CD44: variants seen among roughly 807,000 people sequenced by gnomAD.
CD44 encodes the protein CD44 antigen.
In CD44, 49 loss-of-function variants were observed where a neutral mutation model predicts 88.8. That is an observed-to-expected ratio of 0.55 (90% CI 0.44 to 0.70). The LOEUF (loss-of-function observed/expected upper bound fraction) is 0.70. Among genes scored for constraint, CD44 ranks in the 30% least tolerant of loss-of-function variants. The pLI is 0.00. For missense variants in CD44, 883 were observed against 913.8 expected (o/e 0.97, Z 0.43); for synonymous variants, 325 against 312.3 (o/e 1.04, Z -0.43).
intron 4 of CD44, 36 bp downstream of exon 4, chr11:35,186,936 AT>A: frequency 7.6e-7 from 1 of 1,324,440 alleles, no homozygotes; most frequent in Non-Finnish European, 1.1e-6. Context: ...AAATTTTCCT[AT>A]TTTGGGGAAA....
intron 1 of CD44, among the ~76,000 whole-genome samples, chr11:35,144,684 G>C (rs566304950): frequency 1.3e-5 from 2 of 152,174 alleles, no homozygotes; most frequent in African/African-American, 4.8e-5. Context: ...GTCATTGTGC[G>C]TTCCAGATTT....
chr11:35,168,872 G>A (rs904717100), intron 1 of CD44, among the ~76,000 whole-genome samples: 1 of 152,200 alleles, frequency 6.6e-6, no homozygotes, highest in Admixed American at 6.5e-5. Context: ...CCCTGTGATG[G>A]TATGTGAACA....
rs189585736 is a variant in CD44, at chr11:35,181,491, C to T, written c.367+1084C>T. ...CAAAAGTCTTACCTCTTAAACTGGG[C>T]CTTCTGTTCCCATGGAAGGTTTGAA... On this transcript the variant is annotated intron_variant, in intron 3 of 17. Coordinates refer to ENST00000428726, the MANE Select transcript of CD44 (RefSeq NM_000610.4). Among the ~76,000 whole-genome samples the T allele has an allele frequency of 3.5e-3, 531 of 151,206 alleles. 3 individuals are homozygous for T. The highest frequency in any genetic ancestry group is 0.012 in the African/African-American group (484 of 41,174).
Position 35,223,851 on chromosome 11 carries a change from A to G in CD44, c.2024+2119A>G, listed in dbSNP as rs550714377. Among the ~76,000 whole-genome samples, 6 of 152,334 alleles carry G rather than the reference A, an allele frequency of 3.9e-5. No individual in the cohort carries two copies. In the East Asian group the frequency reaches 1.2e-3, roughly 29 times the overall value. On this transcript the variant is annotated intron_variant, in intron 17 of 17. Transcript: ENST00000428726. The stretch of plus-strand genomic sequence containing the variant: ...TGCTTTGAGTGTCACATTTAAGAGA[A>G]AGAGATACAGAATCCTATTTTCATC...
At chr11:35,227,841 G>A (rs1229661831) in intron 17 of CD44, among the ~76,000 whole-genome samples, 5 of 152,228 alleles carry the variant, frequency 3.3e-5, no homozygotes, top group Non-Finnish European at 1.5e-5. Flanking sequence ...CCAGGCTTTG[G>A]TCATAAAGGC....
chr11:35,181,945 A>AAT (rs371766266), intron 3 of CD44, among the ~76,000 whole-genome samples: 6,015 of 76,918 alleles, frequency 0.078, 334 homozygotes, highest in Non-Finnish European at 0.095. Flanking sequence ...AATTATATAT[A>AAT]ATATATATAA....
Position 35,229,229 on chromosome 11 carries a change from A to C in CD44, c.2125A>C (p.Met709Leu). The C allele has an allele frequency of 6.2e-7, 1 of 1,614,120 alleles. No homozygotes were observed. The highest frequency in any genetic ancestry group is 8.5e-7 in the Non-Finnish European group (1 of 1,179,964). The change falls in exon 18 of 18, where the codon ATG (methionine) becomes CTG (leucine). Residue 709 changes from methionine (M) to leucine (L), a missense_variant. Physicochemically the swap from Met to Leu is conservative, Grantham distance 15 (BLOSUM62 2). Transcript: ENST00000428726. ...CGGAGAGGCCAGCAAGTCTCAGGAA[A>C]TGGTGCATTTGGTGAACAAGGAGTC... Reference protein sequence around the residue: ...LNGEASKSQEMVHLVNKESSE... With the variant: ...LNGEASKSQELVHLVNKESSE...
intron 1 of CD44, among the ~76,000 whole-genome samples, chr11:35,159,833 A>G (rs1942367613): frequency 6.6e-6 from 1 of 152,198 alleles, no homozygotes; most frequent in Non-Finnish European, 1.5e-5. Flanking sequence ...TTTTAACACT[A>G]CACTGCAAGT....
At chr11:35,223,173 A>G in intron 17 of CD44, 1 of 985,348 alleles carries the variant, frequency 1.0e-6, no homozygotes, top group Non-Finnish European at 1.2e-6. Flanking sequence ...AAAATCTAAA[A>G]GGCCGCCTAT....
intron 4 of CD44, 130 bp downstream of exon 4, chr11:35,187,030 T>C: frequency 1.6e-6 from 1 of 632,720 alleles, no homozygotes. Context: ...CCCAGCACTT[T>C]GGGAGGCTGA....
At chr11:35,174,483 G>T (rs1001965919) in intron 1 of CD44, among the ~76,000 whole-genome samples, 10 of 151,688 alleles carry the variant, frequency 6.6e-5, no homozygotes, top group African/African-American at 2.2e-4. Flanking sequence ...TAGTTTCAAT[G>T]ACTTAACCCT....
intron 3 of CD44, among the ~76,000 whole-genome samples, chr11:35,186,064 A>C (rs113394346): frequency 6.7e-6 from 1 of 149,828 alleles, no homozygotes; most frequent in African/African-American, 2.5e-5. Flanking sequence ...GAAAAAAAAA[A>C]CCAGAAATGC....
chr11:35,177,197 C>G (rs978526717), intron 2 of CD44: 5 of 152,502 alleles, frequency 3.3e-5, no homozygotes, highest in African/African-American at 1.2e-4. Context: ...TTTTTGGTTT[C>G]TCTTCTATGT....
chr11:35,159,390 T>C (rs984672871), intron 1 of CD44, among the ~76,000 whole-genome samples: 4 of 152,238 alleles, frequency 2.6e-5, no homozygotes, highest in African/African-American at 9.6e-5. Flanking sequence ...CATCTGCTTT[T>C]AATTTCATTA....
intron 17 of CD44, chr11:35,222,243 T>G (rs1317720025): frequency 2.5e-6 from 1 of 397,870 alleles, no homozygotes; most frequent in Non-Finnish European, 5.1e-6. Flanking sequence ...CAGGGAACCT[T>G]TAAGAACTTT....
At chr11:35,158,759 T>C (rs529979930) in intron 1 of CD44, among the ~76,000 whole-genome samples, 3 of 152,322 alleles carry the variant, frequency 2.0e-5, no homozygotes, top group African/African-American at 7.2e-5. Flanking sequence ...GCTGACACTA[T>C]GTGCATACAG....
Position 35,174,792 on chromosome 11 carries a change from G to A in CD44, c.68-1783G>A, listed in dbSNP as rs73436934. On this transcript the variant is annotated intron_variant, in intron 1 of 17. Coordinates refer to ENST00000428726, the MANE Select transcript of CD44 (RefSeq NM_000610.4). ...AGTGTGTTTCTGAGGAAATTTCAAT[G>A]AGTCATTCGTTTATATAACAAATAC... 8.8e-3 allele frequency among the ~76,000 whole-genome samples: 1,335 copies of A among 152,294 alleles called. 30 individuals are homozygous for A. Among genetic ancestry groups the A allele is most frequent in the African/African-American group, 0.03 (1,240 of 41,550 alleles).
chr11:35,210,627 C>T (rs1948303639), intron 13 of CD44: 1 of 152,744 alleles, frequency 6.5e-6, no homozygotes, highest in Admixed American at 6.5e-5. Flanking sequence ...GTCCAATAGA[C>T]TGTTTGCTAT....
chr11:35,207,864 A>G (rs1948026419), intron 11 of CD44, among the ~76,000 whole-genome samples: 1 of 152,218 alleles, frequency 6.6e-6, no homozygotes, highest in Non-Finnish European at 1.5e-5. Context: ...TTCCAGACTC[A>G]GCAAAAACAA....
Sources: gnomAD v4.1 joint callset for allele counts (sites outside exome capture counted in the v4.1 genomes callset) on GRCh38, gnomAD v4.1.1 for gene constraint, MANE v1.5 for transcripts, NCBI Gene and HGNC (gene_info 2026-07-23, HGNC 2026-07-21) for gene names.